Variants in ARHGAP33 observed in about 807,000 individuals in gnomAD.
ARHGAP33 encodes rho GTPase-activating protein 33.
In ARHGAP33, 57 loss-of-function variants were observed where a neutral mutation model predicts 126.2. The ratio of observed to expected loss-of-function variants is 0.45; its 90% CI spans 0.36 to 0.56. The LOEUF is 0.56. Ranked by LOEUF, ARHGAP33 falls within the 20% of genes least tolerant of loss-of-function variation. ARHGAP33 has a pLI of 0.00. For missense variants in ARHGAP33, 1,500 were observed against 1,748.3 expected (o/e 0.86, Z 2.53); for synonymous variants, 711 against 755.0 (o/e 0.94, Z 0.95).
rs752682342 is a variant in ARHGAP33 at position 35,780,511 on chromosome 19, G to A, written c.702+13G>A. The A allele has an allele frequency of 1.6e-5, 26 of 1,609,742 alleles. No individual in the cohort carries two copies. The South Asian group carries it at 2.9e-4, about 18-fold the overall frequency. On this transcript the variant is annotated intron_variant, in intron 8 of 20. Coordinates refer to ENST00000007510, the MANE Select transcript of ARHGAP33 (RefSeq NM_001366178.1). ...GCGAGGCTTCCAGGTGAGTCCAGCT[G>A]GGCGCGGACAGGTGGGGCTGGGGTA...
chr19:35,781,277 C>T, intron 12 of ARHGAP33, 25 bp downstream of exon 12: 1 of 1,608,720 alleles, frequency 6.2e-7, no homozygotes, highest in African/African-American at 1.3e-5. Context: ...CCAACCCTGT[C>T]CTTCCACAGG....
rs1476611997 is a variant in ARHGAP33 at position 35,778,377 on chromosome 19, T to C, written c.270+17T>C. 3 of 1,614,034 alleles carry C rather than the reference T, an allele frequency of 1.9e-6. No homozygotes were observed. Among genetic ancestry groups the C allele is most frequent in the Non-Finnish European group, 2.5e-6 (3 of 1,180,028 alleles). On this transcript the variant is annotated intron_variant, in intron 4 of 20. Coordinates refer to ENST00000007510, the MANE Select transcript of ARHGAP33 (RefSeq NM_001366178.1). ...ACCTGTCAGGTGAGGCCATCCCGCC[T>C]CTCATCTAGCCTGAGAGAATGGCCA...
intron 6 of ARHGAP33, chr19:35,779,816 C>T: frequency 2.3e-6 from 1 of 428,512 alleles, no homozygotes; most frequent in Non-Finnish European, 4.7e-6. Context: ...TCAAGCAATT[C>T]TCCAGGCTCA....
At position 35,781,247 on chromosome 19, in the gene ARHGAP33, G is replaced by A; in HGVS notation, c.1080G>A (p.Arg360=). ...RLSGVSSNIQ[R]LRHEFDSERI... ...CAGGCGTGTCTTCCAACATCCAGAG[G>A]CTTCGGTGAGGGCCCTTAGCCAACC... is the stretch of plus-strand genomic sequence containing the variant. Residue 360 remains arginine (R), a synonymous_variant, in exon 12 of 21, where the codon AGG becomes AGA. Transcript: ENST00000007510. The A allele has an allele frequency of 6.2e-7, 1 of 1,614,142 alleles. No homozygotes were observed.
At position 35,778,418 on chromosome 19, in the gene ARHGAP33, C is replaced by T. The variant is rs757807292; in HGVS notation, c.271-46C>T. 38 of 1,614,012 alleles carry T rather than the reference C, an allele frequency of 2.4e-5. 1 individual carries two copies. In the Admixed American group the frequency reaches 5.7e-4, roughly 24 times the overall value. On this transcript the variant is annotated intron_variant, in intron 4 of 20. Coordinates refer to ENST00000007510, the MANE Select transcript of ARHGAP33 (RefSeq NM_001366178.1). Reference sequence around the variant, plus strand: ...AGAATGGCCACTGTAGTCCTCAGCTCGGTGTCATGGGGCCCCTGCTCCCTT... The same window carrying T: ...AGAATGGCCACTGTAGTCCTCAGCTTGGTGTCATGGGGCCCCTGCTCCCTT...
rs1238856256 is a variant in ARHGAP33 at position 35,779,101 on chromosome 19, G to A, written c.478G>A (p.Gly160Arg). 5 of 1,551,624 alleles carry A rather than the reference G, an allele frequency of 3.2e-6. No individual in the cohort carries two copies. The highest frequency in any genetic ancestry group is 4.4e-6 in the Non-Finnish European group (5 of 1,147,154). Residue 160 changes from glycine (G) to arginine (R), a missense_variant, in exon 6 of 21, where the codon GGG (glycine) becomes AGG (arginine). By Grantham distance (125) the Gly-to-Arg change is moderately radical (BLOSUM62 -2). Transcript: ENST00000007510. ...SGLVDSNLNC[G>R]PVLTWMELDN... Reference sequence around the variant, plus strand: ...ACTGGTGGACAGTAACCTCAACTGCGGGCCTGTGCTCACCTGGATGGAGGT... The same window carrying A: ...ACTGGTGGACAGTAACCTCAACTGCAGGCCTGTGCTCACCTGGATGGAGGT...
chr19:35,780,138 G>A (rs1346296161), intron 6 of ARHGAP33, 73 bp from the exon 7 acceptor site: 34 of 1,581,164 alleles, frequency 2.2e-5, no homozygotes, highest in African/African-American at 6.7e-5. Context: ...CTCACCCAGC[G>A]CGGAGGAGCT....
In ARHGAP33 at chr19:35,787,394, C is replaced by G; in HGVS notation, c.2829C>G (p.Pro943=). The part of the protein sequence containing the change: ...RSLSLEVGGE[P]LGTSGSGPPP... ...TGTCTCTGGAGGTGGGCGGGGAGCC[C>G]CTGGGGACCTCAGGGAGTGGGCCAC... The change falls in exon 21 of 21, where the codon CCC becomes CCG. Residue 943 remains proline (P), a synonymous_variant. Transcript: ENST00000007510. The G allele has an allele frequency of 1.9e-6, 3 of 1,610,292 alleles. No individual in the cohort carries two copies. Among genetic ancestry groups the G allele is most frequent in the Non-Finnish European group, 2.5e-6 (3 of 1,178,178 alleles).
At position 35,782,748 on chromosome 19, in the gene ARHGAP33, G is replaced by C; in HGVS notation, c.1314-14G>C. 1 of 1,611,884 alleles carries C rather than the reference G, an allele frequency of 6.2e-7. No homozygotes were observed. On this transcript the variant is annotated splice_polypyrimidine_tract_variant and intron_variant, in intron 14 of 20. Coordinates refer to ENST00000007510, the MANE Select transcript of ARHGAP33 (RefSeq NM_001366178.1). This position sits in a 1 kb window ranked among gnomAD's most constrained non-coding sequence, Gnocchi z 4.1. ...GGGTTGAGGCTCAGGTGCCCCCTCTGCTCCCACCCCCAGGACCCTGGAGTA... is the reference window on the plus strand; with the variant it reads ...GGGTTGAGGCTCAGGTGCCCCCTCTCCTCCCACCCCCAGGACCCTGGAGTA...
Position 35,788,197 on chromosome 19 carries a change from G to A in ARHGAP33, c.3632G>A (p.Arg1211Gln), listed in dbSNP as rs755087221. The change falls in exon 21 of 21, where the codon CGG becomes CAG. Residue 1211 changes from arginine (R) to glutamine (Q), a missense_variant. Around this residue, in one of 6 missense-constraint regions of ARHGAP33, gnomAD observed 642 missense variants for 634.0 expected, o/e 1.01. Transcript: ENST00000007510. ...GTCCCCCGCCTTCCCCAGAAACAAC[G>A]GGCACCCTGGGGACCCCGTACCCCT... ...PPVPRLPQKQ[R>Q]APWGPRTPHR... 8.3e-5 allele frequency: 130 copies of A among 1,562,874 alleles called. No homozygotes were observed. Among genetic ancestry groups the A allele is most frequent in the Non-Finnish European group, 1.1e-4 (125 of 1,154,042 alleles).
At position 35,782,052 on chromosome 19, in the gene ARHGAP33, C is replaced by T. The variant is rs1021420228; in HGVS notation, c.1086-321C>T. On this transcript the variant is annotated intron_variant, in intron 12 of 20. Coordinates refer to ENST00000007510, the MANE Select transcript of ARHGAP33 (RefSeq NM_001366178.1). This position sits in a 1 kb window ranked among gnomAD's most constrained non-coding sequence, Gnocchi z 4.1. ...GGGATTTTGTCCACATTTTCCAGTG[C>T]CCTCTTACAGCCAGGAGAATGGCAG... is the stretch of plus-strand genomic sequence containing the variant. Among the ~76,000 whole-genome samples, 3 of 152,156 alleles carry T rather than the reference C, an allele frequency of 2.0e-5. No homozygotes were observed. Among genetic ancestry groups the T allele is most frequent in the Non-Finnish European group, 2.9e-5 (2 of 68,026 alleles).
chr19:35,777,765 C>A (rs763346567), intron 2 of ARHGAP33, 23 bp downstream of exon 2: 1 of 1,613,296 alleles, frequency 6.2e-7, no homozygotes, highest in East Asian at 2.2e-5. Context: ...GAGGAAAGGG[C>A]TCAGCTAGGA....
In ARHGAP33 at chr19:35,778,580, C is replaced by G. The variant is rs753909509; in HGVS notation, c.387C>G (p.Pro129=). The G allele has an allele frequency of 6.2e-7, 1 of 1,613,804 alleles. No individual in the cohort carries two copies. The highest frequency in any genetic ancestry group is 2.2e-5 in the East Asian group (1 of 44,888). ...FSCLPELPPP[P]EGARAAQMLV... is the part of the protein sequence containing the mutation. Reference sequence around the variant, plus strand: ...GCCTTCCGGAGCTTCCCCCGCCCCCCGAGGGTGCCAGGGCTGCCCAGGTAA... The same window carrying G: ...GCCTTCCGGAGCTTCCCCCGCCCCCGGAGGGTGCCAGGGCTGCCCAGGTAA... The change falls in exon 5 of 21, where the codon CCC becomes CCG. Residue 129 remains proline (P), a synonymous_variant. Transcript: ENST00000007510.
intron 19 of ARHGAP33, chr19:35,785,884 T>C: frequency 7.2e-6 from 8 of 1,115,916 alleles, no homozygotes; most frequent in Non-Finnish European, 8.8e-6. Flanking sequence ...CATACACAGG[T>C]GTGTGTGTAA....
Position 35,781,218 on chromosome 19 carries a change from C to A in ARHGAP33, c.1051C>A (p.Leu351Ile). 6.2e-7 allele frequency: 1 copy of A among 1,614,130 alleles called. No homozygotes were observed. Among genetic ancestry groups the A allele is most frequent in the Non-Finnish European group, 8.5e-7 (1 of 1,180,030 alleles). Residue 351 changes from leucine to isoleucine, a missense_variant, in exon 12 of 21, where the codon CTC becomes ATC. Coordinates refer to ENST00000007510, the MANE Select transcript of ARHGAP33 (RefSeq NM_001366178.1). ...AHGVVDGIYR[L>I]SGVSSNIQRL... is the part of the protein sequence containing the mutation. ...CGGGGTGGTGGATGGGATCTACCGGCTCTCAGGCGTGTCTTCCAACATCCA... is the reference window on the plus strand; with the variant it reads ...CGGGGTGGTGGATGGGATCTACCGGATCTCAGGCGTGTCTTCCAACATCCA...
In ARHGAP33 at chr19:35,784,309, A is replaced by C; in HGVS notation, c.1559A>C (p.Asp520Ala). 1 of 1,577,142 alleles carries C rather than the reference A, an allele frequency of 6.3e-7. No individual in the cohort carries two copies. Among genetic ancestry groups the C allele is most frequent in the Non-Finnish European group, 8.6e-7 (1 of 1,159,914 alleles). Residue 520 changes from aspartate to alanine, a missense_variant, in exon 16 of 21, where the codon GAC becomes GCC. Asp to Ala is a moderately radical substitution (Grantham distance 126, BLOSUM62 -2). Around this residue, in one of 6 missense-constraint regions of ARHGAP33, gnomAD observed 300 missense variants for 291.1 expected, o/e 1.03. Coordinates refer to ENST00000007510, the MANE Select transcript of ARHGAP33 (RefSeq NM_001366178.1). ...GACACCTTCACCTCCGCCGGCCTCG[A>C]CCCTGCAGGTATGCCCTCCCACCCC... ...FSDTFTSAGL[D>A]PAGRCLLPRP...
At position 35,786,940 on chromosome 19, in the gene ARHGAP33, C is replaced by T. The variant is rs1409526137; in HGVS notation, c.2470C>T (p.Pro824Ser). The T allele has an allele frequency of 3.7e-6, 6 of 1,610,992 alleles. No homozygotes were observed. In the East Asian group the frequency reaches 1.1e-4, roughly 30 times the overall value. ...AGCACCTGCCTCAGCCACCCCAACACCAGCTCTCAGCCCCGGCCGGAGCCT... is the reference window on the plus strand; with the variant it reads ...AGCACCTGCCTCAGCCACCCCAACATCAGCTCTCAGCCCCGGCCGGAGCCT... The part of the protein sequence containing the change: ...GGAPASATPT[P>S]ALSPGRSLRP... The change falls in exon 20 of 21, where the codon CCA (proline) becomes TCA (serine). Residue 824 changes from proline to serine, a missense_variant. Around this residue, in one of 6 missense-constraint regions of ARHGAP33, gnomAD observed 642 missense variants for 634.0 expected, o/e 1.01. Transcript: ENST00000007510. This position sits in a 1 kb window ranked among gnomAD's most constrained non-coding sequence, Gnocchi z 7.0.
At chr19:35,781,289 A>C in intron 12 of ARHGAP33, 37 bp downstream of exon 12, 1 of 1,597,398 alleles carries the variant, frequency 6.3e-7, no homozygotes, top group South Asian at 1.1e-5. Flanking sequence ...TTCCACAGGC[A>C]CTCACCCAGC....
chr19:35,784,504 T>C, intron 16 of ARHGAP33, 187 bp downstream of exon 16: 2 of 1,302,014 alleles, frequency 1.5e-6, no homozygotes, highest in South Asian at 4.2e-5. Flanking sequence ...GCTCCTCCGC[T>C]CAGGATTCCC....
Sources: allele counts gnomAD v4.1 joint callset (sites outside exome capture counted in the v4.1 genomes callset), GRCh38; gene constraint gnomAD v4.1.1; regional missense constraint gnomAD v4.1.1; non-coding constraint Gnocchi (gnomAD v3.1); transcripts MANE v1.5; gene names NCBI Gene and HGNC (gene_info 2026-07-23, HGNC 2026-07-21).